MN1: variants seen among roughly 807,000 people sequenced by gnomAD.
The protein encoded by MN1 is transcriptional activator MN1.
In MN1, 19 loss-of-function variants were observed where a neutral mutation model predicts 86.9. The ratio of observed to expected loss-of-function variants is 0.22; its 90% CI spans 0.15 to 0.32. The LOEUF is 0.32. MN1 is among the 10% of genes least tolerant of loss of function. The probability of loss-of-function intolerance (pLI) is 1.00; values close to 1 mark genes in which losing one functional copy is unlikely to be tolerated. For missense variants in MN1, 1,841 were observed against 1,862.0 expected (o/e 0.99, Z 0.21); for synonymous variants, 928 against 849.6 (o/e 1.09, Z -1.60).
intron 1 of MN1, among the ~76,000 whole-genome samples, chr22:27,760,705 G>A (rs1163416712): frequency 2.0e-5 from 3 of 152,172 alleles, no homozygotes; most frequent in South Asian, 2.1e-4. Flanking sequence ...CGCAGAGCCC[G>A]AGGCAGGCCC....
At chr22:27,784,826 G>A (rs914882560) in intron 1 of MN1, among the ~76,000 whole-genome samples, 2 of 151,906 alleles carry the variant, frequency 1.3e-5, no homozygotes, top group African/African-American at 2.4e-5. Flanking sequence ...GGACCTTAGC[G>A]AACAGGCCGG....
intron 1 of MN1, among the ~76,000 whole-genome samples, chr22:27,796,170 A>T (rs1439889319): frequency 6.6e-6 from 1 of 152,176 alleles, no homozygotes; most frequent in Non-Finnish European, 1.5e-5. Context: ...AGTTAAGAAG[A>T]GACAAAATAG....
chr22:27,793,679 C>T (rs1179871893), intron 1 of MN1, among the ~76,000 whole-genome samples: 1 of 152,086 alleles, frequency 6.6e-6, no homozygotes, highest in African/African-American at 2.4e-5. Flanking sequence ...ATCATCATCC[C>T]ATGTGATGTT....
chr22:27,799,372 C>T lies in MN1; in HGVS notation c.1172G>A (p.Gly391Asp). The T allele has an allele frequency of 1.9e-6, 3 of 1,551,616 alleles. No homozygotes were observed. The highest frequency in any genetic ancestry group is 2.6e-6 in the Non-Finnish European group (3 of 1,151,718). Residue 391 changes from glycine (G) to aspartate (D), a missense_variant, in exon 1 of 2, where the codon GGC (glycine) becomes GAC (aspartate). Transcript: ENST00000302326. ...CATGGGGCCTCCGTCCTGCAGGCCG[C>T]CGCTGGGCGTGCCCGCCTCGCCCTG... is the stretch of plus-strand genomic sequence containing the variant. Reference protein sequence around the residue: ...PQQGEAGTPSGGLQDGGPMLP... With the variant: ...PQQGEAGTPSDGLQDGGPMLP...
chr22:27,759,063 A>G (rs747766123), intron 1 of MN1, among the ~76,000 whole-genome samples: 3 of 152,144 alleles, frequency 2.0e-5, no homozygotes, highest in Non-Finnish European at 4.4e-5. Flanking sequence ...CGTGAGCTCA[A>G]GCAATCCACC....
rs575803233 is a variant in MN1 at position 27,748,667 on chromosome 22, T to G, written c.*2248A>C. 5 of 213,740 alleles carry G rather than the reference T, an allele frequency of 2.3e-5. No individual in the cohort carries two copies. The highest frequency in any genetic ancestry group is 3.8e-5 in the Non-Finnish European group (4 of 105,498). The allele number at this position is 213,740 out of a possible 1,614,324, so 13.2% of individuals were successfully genotyped here. ...TTAAACCAAATTTAATGAAATAACA[T>G]CCTTTTGCTTAAGGCTATTTTTAAA... On this transcript the variant is annotated 3_prime_UTR_variant, in exon 2 of 2. Transcript: ENST00000302326.
rs1289207053 is a variant in MN1 at position 27,798,729 on chromosome 22, G to A, written c.1815C>T (p.Arg605=). The change falls in exon 1 of 2, where the codon CGC becomes CGT. Residue 605 remains arginine, a synonymous_variant. Coordinates refer to ENST00000302326, the MANE Select transcript of MN1 (RefSeq NM_002430.3). ...GCCCGGCGCCCGTGCTGCCGCCTTC[G>A]CGCTCAAAGTTCGGCTGGGCCAAGC... The part of the protein sequence containing the change: ...VGGLAQPNFE[R]EGGSTGAGRL... 5 of 1,535,884 alleles carry A rather than the reference G, an allele frequency of 3.3e-6. No homozygotes were observed. The highest frequency in any genetic ancestry group is 1.7e-4 in the Middle Eastern group (1 of 5,956).
chr22:27,764,045 C>A (rs952991252), intron 1 of MN1, among the ~76,000 whole-genome samples: 1 of 152,052 alleles, frequency 6.6e-6, no homozygotes. Context: ...GGGTGTGAAA[C>A]GAGGGAAGAG....
intron 1 of MN1, among the ~76,000 whole-genome samples, chr22:27,757,945 C>T (rs1568970884): frequency 6.6e-6 from 1 of 152,108 alleles, no homozygotes; most frequent in Non-Finnish European, 1.5e-5. Context: ...AGGGAAGAGG[C>T]TGCCTCCAAA....
At chr22:27,751,520 T>C (rs1932764576) in intron 1 of MN1, among the ~76,000 whole-genome samples, 1 of 152,070 alleles carries the variant, frequency 6.6e-6, no homozygotes, top group Admixed American at 6.5e-5. Flanking sequence ...GAGGGGAGGA[T>C]TGTCTGGGTC....
intron 1 of MN1, among the ~76,000 whole-genome samples, chr22:27,794,223 A>C (rs980876251): frequency 2.0e-5 from 3 of 152,254 alleles, no homozygotes; most frequent in Non-Finnish European, 4.4e-5. Flanking sequence ...CAACGTGTGC[A>C]GATGGAACTA....
chr22:27,752,617 G>C (rs45523831), intron 1 of MN1, among the ~76,000 whole-genome samples: 1 of 152,134 alleles, frequency 6.6e-6, no homozygotes, highest in Non-Finnish European at 1.5e-5. Flanking sequence ...TCTCATTTAC[G>C]GCTACCACAT....
chr22:27,776,866 C>T (rs917827978), intron 1 of MN1, among the ~76,000 whole-genome samples: 11 of 151,806 alleles, frequency 7.2e-5, no homozygotes, highest in Admixed American at 1.3e-4. Flanking sequence ...CTGGCCAGGA[C>T]GATTGTTCCA....
At position 27,797,690 on chromosome 22, in the gene MN1, G is replaced by T; in HGVS notation, c.2854C>A (p.His952Asn). Reference protein sequence around the residue: ...GRGRRKRDSGHVSPGTFFDKY... With the variant: ...GRGRRKRDSGNVSPGTFFDKY... ...TCAAAGAAGGTGCCAGGGCTCACGT[G>T]ACCACTGTCCCTTTTTCTGCGACCC... Residue 952 changes from histidine to asparagine, a missense_variant, in exon 1 of 2, where the codon CAC (histidine) becomes AAC (asparagine). Coordinates refer to ENST00000302326, the MANE Select transcript of MN1 (RefSeq NM_002430.3). 1.2e-6 allele frequency: 2 copies of T among 1,609,100 alleles called. No individual in the cohort carries two copies. Among genetic ancestry groups the T allele is most frequent in the Non-Finnish European group, 1.7e-6 (2 of 1,178,322 alleles).
chr22:27,769,906 G>A (rs1321932674), intron 1 of MN1, among the ~76,000 whole-genome samples: 1 of 152,016 alleles, frequency 6.6e-6, no homozygotes, highest in Non-Finnish European at 1.5e-5. Flanking sequence ...CCAAGTCTCA[G>A]TTTTCACTGG....
intron 1 of MN1, among the ~76,000 whole-genome samples, chr22:27,772,193 C>T (rs987703163): frequency 6.6e-6 from 1 of 152,230 alleles, no homozygotes; most frequent in Non-Finnish European, 1.5e-5. Flanking sequence ...GCACACACAG[C>T]TGCCAACAGA....
rs192899997 is a variant in MN1, at chr22:27,754,646, G to A, written c.3782-3550C>T. On this transcript the variant is annotated intron_variant, in intron 1 of 1. Coordinates refer to ENST00000302326, the MANE Select transcript of MN1 (RefSeq NM_002430.3). ...GGGACCTAACACGCCCTCAGACCGC[G>A]GCTCCCCAGGGCTGCCGAGTCGCTG... Among the ~76,000 whole-genome samples, 10 of 152,306 alleles carry A rather than the reference G, an allele frequency of 6.6e-5. No individual in the cohort carries two copies. In the East Asian group the frequency reaches 7.7e-4, roughly 12 times the overall value.
intron 1 of MN1, among the ~76,000 whole-genome samples, chr22:27,790,735 T>C (rs774325481): frequency 2.6e-5 from 4 of 152,036 alleles, no homozygotes; most frequent in Non-Finnish European, 4.4e-5. Flanking sequence ...AAGATTCCTC[T>C]CCTGGCAGGA....
At chr22:27,782,844 T>C (rs45582841) in intron 1 of MN1, among the ~76,000 whole-genome samples, 1 of 152,334 alleles carries the variant, frequency 6.6e-6, no homozygotes, top group African/African-American at 2.4e-5. Flanking sequence ...AAACATACTA[T>C]TTGGTCCTCA....
Sources: gnomAD v4.1 joint callset for allele counts (sites outside exome capture counted in the v4.1 genomes callset) on GRCh38, gnomAD v4.1.1 for gene constraint, MANE v1.5 for transcripts, NCBI Gene and HGNC (gene_info 2026-07-23, HGNC 2026-07-21) for gene names.